FHIP2A: variants seen among roughly 807,000 people sequenced by gnomAD.
FHIP2A encodes the protein FHF complex subunit HOOK interacting protein 2A, also known as family with sequence similarity 160 member B1.
FHIP2A carries 46 observed loss-of-function variants against 93.5 expected under a neutral mutation model. The ratio of observed to expected loss-of-function variants is 0.49; its 90% CI spans 0.39 to 0.63. FHIP2A has a LOEUF of 0.63. FHIP2A is among the 20% of genes least tolerant of loss of function. The probability of loss-of-function intolerance (pLI) is 0.00; values close to 1 mark genes in which losing one functional copy is unlikely to be tolerated. For synonymous variants in FHIP2A, 332 were observed against 326.5 expected, an observed-to-expected ratio of 1.02 and a Z score of -0.18; for missense variants, 769 against 909.7, an observed-to-expected ratio of 0.85 and a Z score of 1.99.
intron 16 of FHIP2A, among the ~76,000 whole-genome samples, chr10:114,890,446 T>C (rs1004828061): frequency 8.7e-5 from 13 of 149,196 alleles, no homozygotes; most frequent in African/African-American, 2.9e-4. Flanking sequence ...TGTGTGTGTA[T>C]ACACACACAT....
chr10:114,884,635 G>A (rs1419832364), intron 16 of FHIP2A, among the ~76,000 whole-genome samples: 2 of 152,120 alleles, frequency 1.3e-5, no homozygotes, highest in Admixed American at 6.5e-5. Flanking sequence ...CAATATGGCC[G>A]GGCGCGGTGG....
At chr10:114,838,354 A>G (rs1347495947) in intron 5 of FHIP2A, among the ~76,000 whole-genome samples, 1 of 152,180 alleles carries the variant, frequency 6.6e-6, no homozygotes, top group Non-Finnish European at 1.5e-5. Context: ...GGTGGTAAGG[A>G]CTACGCATGC....
At chr10:114,879,629 T>G (rs1379369334) in intron 16 of FHIP2A, among the ~76,000 whole-genome samples, 2 of 152,176 alleles carry the variant, frequency 1.3e-5, no homozygotes, top group Non-Finnish European at 2.9e-5. Flanking sequence ...AAATGCCTCA[T>G]AAGAAGCGGT....
chr10:114,846,720 A>C lies in FHIP2A; in HGVS notation c.1560A>C (p.Ala520=), dbSNP rs2083703773. 2 of 1,597,138 alleles carry C rather than the reference A, an allele frequency of 1.3e-6. No homozygotes were observed. Among genetic ancestry groups the C allele is most frequent in the African/African-American group, 2.7e-5 (2 of 74,052 alleles). ...DKDVVENGLI[A]GAVDLEEDPL... is the part of the protein sequence containing the mutation. Reference sequence around the variant, plus strand: ...ATGTGGTAGAAAATGGATTGATAGCAGGAGCAGTGTAAGTTTCCATCCAAC... The same window carrying C: ...ATGTGGTAGAAAATGGATTGATAGCCGGAGCAGTGTAAGTTTCCATCCAAC... The change falls in exon 11 of 17, where the codon GCA becomes GCC. Residue 520 remains alanine (A), a synonymous_variant. Coordinates refer to ENST00000369248, the MANE Select transcript of FHIP2A (RefSeq NM_020940.4).
chr10:114,822,220 C>A, intron 1 of FHIP2A, 97 bp downstream of exon 1: 3 of 712,178 alleles, frequency 4.2e-6, no homozygotes, highest in Non-Finnish European at 5.6e-6. Flanking sequence ...CTTGGCCCGG[C>A]CCTCGGCGGC....
chr10:114,876,661 A>G (rs2083890780), intron 16 of FHIP2A, among the ~76,000 whole-genome samples: 1 of 152,094 alleles, frequency 6.6e-6, no homozygotes, highest in African/African-American at 2.4e-5. Flanking sequence ...TTTCTGGACA[A>G]GCTTCCCAGG....
chr10:114,890,577 T>C (rs2083966341), intron 16 of FHIP2A, among the ~76,000 whole-genome samples: 1 of 148,032 alleles, frequency 6.8e-6, no homozygotes, highest in Admixed American at 6.8e-5. Context: ...ATATATAGTA[T>C]ATAAAATATA....
At chr10:114,840,562 C>A (rs1566369280) in intron 5 of FHIP2A, among the ~76,000 whole-genome samples, 1 of 152,156 alleles carries the variant, frequency 6.6e-6, no homozygotes, top group African/African-American at 2.4e-5. Flanking sequence ...AATTTGGAAA[C>A]TGATGGAGTA....
intron 14 of FHIP2A, 70 bp downstream of exon 14, chr10:114,855,410 AG>A: frequency 7.8e-7 from 1 of 1,283,236 alleles, no homozygotes; most frequent in African/African-American, 1.5e-5. Context: ...CTCAAGTCTT[AG>A]TAGATCTTCA....
At chr10:114,871,030 A>G (rs1177081770) in intron 16 of FHIP2A, among the ~76,000 whole-genome samples, 2 of 151,202 alleles carry the variant, frequency 1.3e-5, no homozygotes. Context: ...ATATATATAT[A>G]TATACACATA....
rs201141554 is a variant in FHIP2A, at chr10:114,855,254, T to C, written c.1861T>C (p.Leu621=). Residue 621 remains leucine, a synonymous_variant, in exon 14 of 17, where the codon TTG becomes CTG. Coordinates refer to ENST00000369248, the MANE Select transcript of FHIP2A (RefSeq NM_020940.4). ...RWEWPGSPKA[L]EKCNLEAAFF... is the part of the protein sequence containing the mutation. Reference sequence around the variant, plus strand: ...GGAGTGGCCTGGGTCTCCAAAAGCATTGGAAAAGTGCAATTTAGAAGCTGC... The same window carrying C: ...GGAGTGGCCTGGGTCTCCAAAAGCACTGGAAAAGTGCAATTTAGAAGCTGC... 2.2e-4 allele frequency: 349 copies of C among 1,614,130 alleles called. 3 individuals are homozygous for C. In the Middle Eastern group the frequency reaches 8.7e-3, roughly 40 times the overall value.
chr10:114,833,100 T>C lies in FHIP2A; in HGVS notation c.125-133T>C, dbSNP rs543541327. 197 of 650,184 alleles carry C rather than the reference T, an allele frequency of 3.0e-4. No homozygotes were observed. The South Asian group carries it at 3.9e-3, about 13-fold the overall frequency. The allele number at this position is 650,184 out of a possible 1,614,324, so 40.3% of individuals were successfully genotyped here. On this transcript the variant is annotated intron_variant, in intron 2 of 16. Transcript: ENST00000369248. ...CTAGCAGAGATAATCATACTGTGTT[T>C]ATAAACCTCACTTAAGTGTGTAGTT...
In FHIP2A at chr10:114,890,394, C is replaced by CT. The variant is rs567469444; in HGVS notation, c.2193-9095dup. ...TGGGAATACCTTTGATTGTGTGAGT[C>CT]TAACTTGAGAACCCAGTGATTTATG... On this transcript the variant is annotated intron_variant, in intron 16 of 16. Coordinates refer to the FHIP2A transcript ENST00000369250. 2.8e-3 allele frequency among the ~76,000 whole-genome samples: 426 copies of CT among 151,264 alleles called. 1 individual carries two copies. The highest frequency in any genetic ancestry group is 9.2e-3 in the African/African-American group (382 of 41,302).
intron 16 of FHIP2A, among the ~76,000 whole-genome samples, chr10:114,873,683 T>C (rs1327346112): frequency 3.3e-5 from 5 of 152,224 alleles, no homozygotes; most frequent in Non-Finnish European, 5.9e-5. Flanking sequence ...CTAATACTAT[T>C]TCATTGGTTT....
intron 16 of FHIP2A, among the ~76,000 whole-genome samples, chr10:114,873,133 G>C (rs571006967): frequency 6.6e-6 from 1 of 152,356 alleles, no homozygotes; most frequent in Admixed American, 6.5e-5. Flanking sequence ...CTGGTGTTCA[G>C]ACCTCTGAGG....
intron 2 of FHIP2A, among the ~76,000 whole-genome samples, chr10:114,832,561 A>T (rs973178982): frequency 4.6e-4 from 70 of 151,080 alleles, no homozygotes; most frequent in African/African-American, 1.6e-3. Flanking sequence ...TGGCTAAGTG[A>T]AAAAAAAATA....
At chr10:114,871,393 C>T (rs1196960371) in intron 16 of FHIP2A, among the ~76,000 whole-genome samples, 2 of 152,068 alleles carry the variant, frequency 1.3e-5, no homozygotes, top group African/African-American at 4.8e-5. Context: ...ATGGCAGGCC[C>T]CCTCTCAGAG....
intron 5 of FHIP2A, among the ~76,000 whole-genome samples, chr10:114,841,453 C>G (rs1458276850): frequency 6.6e-6 from 1 of 151,866 alleles, no homozygotes; most frequent in Non-Finnish European, 1.5e-5. Context: ...CCACCACGCC[C>G]AGCTAATTTT....
Position 114,843,065 on chromosome 10 carries a change from A to C in FHIP2A, c.655A>C (p.Met219Leu). The change falls in exon 6 of 17, where the codon ATG becomes CTG. Residue 219 changes from methionine (M) to leucine (L), a missense_variant. Met to Leu is a conservative substitution (Grantham distance 15). Coordinates refer to ENST00000369248, the MANE Select transcript of FHIP2A (RefSeq NM_020940.4). The stretch of plus-strand genomic sequence containing the variant: ...AGAGGAACTATCTGGTGCTACTGGA[A>C]TGGAGCAAACAGAATTGGAAGATGA... Reference protein sequence around the residue: ...QPEELSGATGMEQTELEDEPP... With the variant: ...QPEELSGATGLEQTELEDEPP... 6.2e-7 allele frequency: 1 copy of C among 1,614,132 alleles called. No homozygotes were observed. Among genetic ancestry groups the C allele is most frequent in the Non-Finnish European group, 8.5e-7 (1 of 1,179,994 alleles).
Sources: allele counts gnomAD v4.1 joint callset (sites outside exome capture counted in the v4.1 genomes callset), GRCh38; gene constraint gnomAD v4.1.1; transcripts MANE v1.5; gene names NCBI Gene and HGNC (gene_info 2026-07-23, HGNC 2026-07-21).